FAM83A: variants seen among roughly 807,000 people sequenced by gnomAD.
FAM83A encodes protein FAM83A.
Under a neutral mutation model 24.4 loss-of-function variants are expected in FAM83A, and 21 were observed. The ratio of observed to expected loss-of-function variants is 0.86; its 90% confidence interval spans 0.61 to 1.24. The LOEUF (loss-of-function observed/expected upper bound fraction) is 1.24, where lower values mean the gene tolerates loss of function less well. Ranked by LOEUF, FAM83A falls within the 50% of genes most tolerant of loss-of-function variation. The probability of loss-of-function intolerance (pLI) is 0.00; values close to 1 mark genes in which losing one functional copy is unlikely to be tolerated. For synonymous variants in FAM83A, 270 were observed against 252.4 expected, an observed-to-expected ratio of 1.07 and a Z score of -0.66; for missense variants, 617 against 579.8, an observed-to-expected ratio of 1.06 and a Z score of -0.66.
At chr8:123,194,376 C>T (rs1169817511) in intron 3 of FAM83A, among the ~76,000 whole-genome samples, 3 of 152,282 alleles carry the variant, frequency 2.0e-5, no homozygotes, top group East Asian at 1.9e-4. Flanking sequence ...CTCCGTTTCC[C>T]TTGATATTGC....
At chr8:123,182,824 A>G (rs1432620666) in exon 1 of FAM83A, 53 of 1,513,480 alleles carry the variant, frequency 3.5e-5, no homozygotes, top group Non-Finnish European at 4.6e-5. Flanking sequence ...CTGACGTGCC[A>G]GCCTCCCCCA....
upstream of FAM83A, chr8:123,180,859 G>T (rs1823580144): frequency 3.3e-5 from 5 of 151,772 alleles, no homozygotes; most frequent in South Asian, 8.3e-4. Flanking sequence ...AGAGAGGATT[G>T]CTCAAGATTG....
chr8:123,202,328 C>G (rs1048766480), intron 3 of FAM83A: 1 of 153,044 alleles, frequency 6.5e-6, no homozygotes, highest in African/African-American at 2.4e-5. Flanking sequence ...TGTTCATGCC[C>G]TCCGTCGGAG....
At chr8:123,196,985 G>A (rs986877927) in intron 3 of FAM83A, among the ~76,000 whole-genome samples, 2 of 152,160 alleles carry the variant, frequency 1.3e-5, no homozygotes, top group African/African-American at 4.8e-5. Context: ...AAACTTTGGG[G>A]CTGCCCAGCC....
chr8:123,180,811 A>G (rs1200828382), upstream of FAM83A: 4 of 151,988 alleles, frequency 2.6e-5, no homozygotes, highest in Non-Finnish European at 5.9e-5. Context: ...GTCCTCTTTG[A>G]CCTCCAGGGA....
chr8:123,203,194 T>C (rs1824416828), intron 3 of FAM83A, among the ~76,000 whole-genome samples: 2 of 151,628 alleles, frequency 1.3e-5, no homozygotes, highest in Admixed American at 1.3e-4. Flanking sequence ...CTCAGTAGAT[T>C]TCTTTAAAAG....
chr8:123,207,769 G>A, exon 4 of FAM83A: 1 of 1,409,118 alleles, frequency 7.1e-7, no homozygotes. Flanking sequence ...ACGACGAGTG[G>A]CGTTGAGCCA....
At chr8:123,208,950 C>G in exon 4 of FAM83A, 1 of 974,132 alleles carries the variant, frequency 1.0e-6, no homozygotes, top group Non-Finnish European at 1.2e-6. Flanking sequence ...GGCAACAAAG[C>G]AAGACTCCGT....
chr8:123,194,187 G>A, intron 3 of FAM83A, 39 bp downstream of exon 3: 2 of 1,611,268 alleles, frequency 1.2e-6, no homozygotes, highest in Non-Finnish European at 1.7e-6. Context: ...GATTCATGGA[G>A]AACAAGGGCT....
intron 3 of FAM83A, among the ~76,000 whole-genome samples, chr8:123,196,169 G>A (rs560097715): frequency 2.2e-4 from 34 of 152,176 alleles, no homozygotes; most frequent in African/African-American, 5.5e-4. Flanking sequence ...CCGCCACCAC[G>A]CTCGGCTAAT....
chr8:123,204,879 C>T (rs369688154), intron 3 of FAM83A, among the ~76,000 whole-genome samples: 2 of 152,128 alleles, frequency 1.3e-5, no homozygotes, highest in South Asian at 4.2e-4. Context: ...TTTGGCAGGC[C>T]GAGGCAAGTG....
At chr8:123,208,184 C>T (rs537492231) in exon 4 of FAM83A, 46 of 987,694 alleles carry the variant, frequency 4.7e-5, no homozygotes, top group African/African-American at 4.0e-4. Flanking sequence ...CTGGATGTTT[C>T]GGGAGAGTTG....
chr8:123,209,729 C>T lies in FAM83A; in HGVS notation c.*2041C>T, dbSNP rs570029346. ...AGAACCTGCAGGCAGGAACAAGCCC[C>T]CCTACTCCTGACCACCCTCCATCAG... On this transcript the variant is annotated 3_prime_UTR_variant, in exon 4 of 4. Coordinates refer to ENST00000690554, the Ensembl canonical transcript of FAM83A. This position sits in a 1 kb window ranked among gnomAD's most constrained non-coding sequence, Gnocchi z 4.7. 884 of 653,104 alleles carry T rather than the reference C, an allele frequency of 1.4e-3. 3 individuals are homozygous for T. The highest frequency in any genetic ancestry group is 8.3e-4 in the Middle Eastern group (2 of 2,398). The allele number at this position is 653,104 out of a possible 1,614,324, so 40.5% of individuals were successfully genotyped here.
At chr8:123,203,509 A>C (rs1824429389) in intron 3 of FAM83A, among the ~76,000 whole-genome samples, 1 of 150,290 alleles carries the variant, frequency 6.7e-6, no homozygotes, top group Admixed American at 6.7e-5. Context: ...GATCACTTGA[A>C]TCCAGGAGGC....
intron 3 of FAM83A, chr8:123,199,713 A>C (rs1165788308): frequency 6.6e-6 from 1 of 152,218 alleles, no homozygotes; most frequent in Admixed American, 6.5e-5. Context: ...CAGCCTGGGC[A>C]ACAAGAGCGA....
chr8:123,182,522 C>T, upstream of FAM83A: 1 of 519,110 alleles, frequency 1.9e-6, no homozygotes, highest in Non-Finnish European at 3.7e-6. Context: ...GGAAAGCCGG[C>T]TCACCTTCGC....
At chr8:123,186,137 A>G (rs1823784429) in intron 1 of FAM83A, among the ~76,000 whole-genome samples, 1 of 152,232 alleles carries the variant, frequency 6.6e-6, no homozygotes, top group African/African-American at 2.4e-5. Flanking sequence ...ATCCACATGA[A>G]GAAAAGCTCT....
chr8:123,187,034 G>A (rs370483649), intron 1 of FAM83A, among the ~76,000 whole-genome samples: 3 of 152,152 alleles, frequency 2.0e-5, no homozygotes, highest in African/African-American at 7.2e-5. Context: ...ATTAGGGCAG[G>A]CTTCACGGAA....
chr8:123,193,979 T>C (rs1390074700), intron 2 of FAM83A, 45 bp from the exon 3 acceptor site: 9 of 1,611,778 alleles, frequency 5.6e-6, no homozygotes, highest in Non-Finnish European at 6.8e-6. Context: ...AATGTATCTC[T>C]ATAAACAGAA....
Sources: gnomAD v4.1 joint callset for allele counts (sites outside exome capture counted in the v4.1 genomes callset) on GRCh38, gnomAD v4.1.1 for gene constraint, Gnocchi (gnomAD v3.1) non-coding constraint, MANE v1.5 for transcripts, NCBI Gene and HGNC (gene_info 2026-07-23, HGNC 2026-07-21) for gene names.